PPM1H: variants seen among roughly 807,000 people sequenced by gnomAD.
PPM1H encodes the protein protein phosphatase, Mg2+/Mn2+ dependent 1H, also known as protein phosphatase 1H.
PPM1H carries 27 observed loss-of-function variants against 54.9 expected under a neutral mutation model. That is an observed-to-expected ratio of 0.49 (90% CI 0.36 to 0.68). The LOEUF (loss-of-function observed/expected upper bound fraction) is 0.68. PPM1H is among the 30% of genes least tolerant of loss of function. The pLI, the probability that PPM1H is intolerant of heterozygous loss-of-function variation, is 0.00. For synonymous variants in PPM1H, 305 were observed against 270.8 expected, an observed-to-expected ratio of 1.13 and a Z score of -1.24; for missense variants, 596 against 667.8, an observed-to-expected ratio of 0.89 and a Z score of 1.19.
intron 1 of PPM1H, among the ~76,000 whole-genome samples, chr12:62,921,452 G>A (rs1871797348): frequency 6.6e-6 from 1 of 152,094 alleles, no homozygotes; most frequent in South Asian, 2.1e-4. Context: ...ATTACACCAT[G>A]CATCCAGCAA....
At chr12:62,923,644 C>T (rs149057100) in intron 1 of PPM1H, among the ~76,000 whole-genome samples, 29 of 152,314 alleles carry the variant, frequency 1.9e-4, no homozygotes, top group African/African-American at 6.7e-4. Context: ...TCAGGTGATT[C>T]GCCCACCTCG....
intron 8 of PPM1H, among the ~76,000 whole-genome samples, chr12:62,679,375 A>G (rs1410513664): frequency 6.6e-6 from 1 of 152,214 alleles, no homozygotes; most frequent in African/African-American, 2.4e-5. Flanking sequence ...AGGGTGTGCC[A>G]TGCTAATTGA....
chr12:62,659,117 TCA>T (rs1475386568), intron 9 of PPM1H: 1 of 734,368 alleles, frequency 1.4e-6, no homozygotes, highest in Non-Finnish European at 2.5e-6. Flanking sequence ...CTGAGATCAT[TCA>T]CAATGTTTCC....
At chr12:62,910,246 T>G (rs1478333509) in intron 1 of PPM1H, among the ~76,000 whole-genome samples, 1 of 152,114 alleles carries the variant, frequency 6.6e-6, no homozygotes, top group Non-Finnish European at 1.5e-5. Flanking sequence ...CCATACGAGG[T>G]GCTGTGGGCC....
chr12:62,820,389 T>C lies in PPM1H; in HGVS notation c.411+11725A>G, dbSNP rs528164578. Among the ~76,000 whole-genome samples the C allele has an allele frequency of 2.6e-5, 4 of 152,162 alleles. No homozygotes were observed. The South Asian group carries it at 8.3e-4, about 32-fold the overall frequency. ...TAAAAGTCCCTGTCTATGAAGAGAG[T>C]AGTGGTTCTCCCAGCACAGAGTTTG... On this transcript the variant is annotated intron_variant, in intron 2 of 9. Transcript: ENST00000228705.
intron 4 of PPM1H, among the ~76,000 whole-genome samples, chr12:62,775,397 C>G (rs2076604271): frequency 6.6e-6 from 1 of 152,158 alleles, no homozygotes; most frequent in African/African-American, 2.4e-5. Flanking sequence ...GTCTGGGCAG[C>G]TCTACCTTGT....
At chr12:62,736,017 CAAG>C (rs1208294710) in intron 5 of PPM1H, among the ~76,000 whole-genome samples, 2 of 152,114 alleles carry the variant, frequency 1.3e-5, no homozygotes, top group East Asian at 3.9e-4. Context: ...CCAGCAAGGC[CAAG>C]AAGGGCGGTC....
chr12:62,757,076 A>G (rs990428087), intron 4 of PPM1H, among the ~76,000 whole-genome samples: 10 of 152,164 alleles, frequency 6.6e-5, no homozygotes, highest in Non-Finnish European at 1.5e-5. Context: ...CTGCAGACAG[A>G]AACCCATGGC....
intron 1 of PPM1H, among the ~76,000 whole-genome samples, chr12:62,870,592 G>C (rs749624509): frequency 8.5e-5 from 13 of 152,240 alleles, no homozygotes; most frequent in Non-Finnish European, 1.8e-4. Flanking sequence ...TGCTGAATAG[G>C]GGAGAAAAGA....
At chr12:62,673,503 G>T (rs533276342) in intron 8 of PPM1H, among the ~76,000 whole-genome samples, 1 of 152,068 alleles carries the variant, frequency 6.6e-6, no homozygotes, top group African/African-American at 2.4e-5. Flanking sequence ...AATCTCTGCC[G>T]CTTCTCTAGG....
intron 1 of PPM1H, among the ~76,000 whole-genome samples, chr12:62,885,632 A>T (rs1384912881): frequency 6.6e-6 from 1 of 152,214 alleles, no homozygotes; most frequent in African/African-American, 2.4e-5. Flanking sequence ...GGGTCAACTT[A>T]TAATTCTGCC....
intron 5 of PPM1H, among the ~76,000 whole-genome samples, chr12:62,737,217 T>TAAAA (rs111659461): frequency 4.5e-5 from 6 of 134,316 alleles, no homozygotes; most frequent in Admixed American, 7.5e-5. Flanking sequence ...AAGAAGCCAT[T>TAAAA]AAAAAAAAAA....
intron 4 of PPM1H, among the ~76,000 whole-genome samples, chr12:62,770,609 T>C (rs895694751): frequency 2.6e-5 from 4 of 152,090 alleles, no homozygotes; most frequent in Non-Finnish European, 4.4e-5. Flanking sequence ...GGAAGGACCA[T>C]GTGTCTTTGA....
intron 2 of PPM1H, among the ~76,000 whole-genome samples, chr12:62,831,697 T>TCGTGTGTGTG (rs1462227862): frequency 6.7e-6 from 1 of 149,470 alleles, no homozygotes; most frequent in African/African-American, 2.5e-5. Flanking sequence ...CCGTCAAACA[T>TCGTGTGTGTG]TGTGTGTGTA....
chr12:62,664,957 T>C (rs1456530707), intron 9 of PPM1H, among the ~76,000 whole-genome samples: 2 of 152,240 alleles, frequency 1.3e-5, no homozygotes, highest in South Asian at 2.1e-4. Flanking sequence ...CTTTTGAAAG[T>C]TGGCTGTCAG....
At chr12:62,846,511 A>AG (rs1364467018) in intron 1 of PPM1H, among the ~76,000 whole-genome samples, 1 of 151,082 alleles carries the variant, frequency 6.6e-6, no homozygotes, top group Admixed American at 6.6e-5. Context: ...AAAAAAAAAA[A>AG]ATTTTTTTTT....
intron 9 of PPM1H, among the ~76,000 whole-genome samples, chr12:62,656,319 G>A (rs1229286279): frequency 3.3e-5 from 5 of 152,138 alleles, no homozygotes; most frequent in Non-Finnish European, 7.3e-5. Context: ...GACCTCCAAG[G>A]CTCCTGTAAC....
At chr12:62,889,537 C>A (rs1304260815) in intron 1 of PPM1H, among the ~76,000 whole-genome samples, 1 of 151,962 alleles carries the variant, frequency 6.6e-6, no homozygotes, top group Non-Finnish European at 1.5e-5. Flanking sequence ...TGTAAAGTTA[C>A]ATTTATCAAG....
chr12:62,867,564 A>ATTT (rs34772338), intron 1 of PPM1H, among the ~76,000 whole-genome samples: 848 of 55,358 alleles, frequency 0.015, 191 homozygotes, highest in East Asian at 0.029. Context: ...TATGAGCACT[A>ATTT]TTTTTTTTTT....
Sources: gnomAD v4.1 joint callset for allele counts (sites outside exome capture counted in the v4.1 genomes callset) on GRCh38, gnomAD v4.1.1 for gene constraint, MANE v1.5 for transcripts, NCBI Gene and HGNC (gene_info 2026-07-23, HGNC 2026-07-21) for gene names.